The following SYNPR variants were observed in gnomAD, a reference collection of about 807,000 sequenced individuals.
The protein encoded by SYNPR is synaptoporin.
SYNPR carries 23 observed loss-of-function variants against 32.9 expected under a neutral mutation model. The observed-to-expected ratio is 0.70, with a 90% CI of 0.50 to 0.99. The LOEUF is 0.99. SYNPR is among the 50% of genes least tolerant of loss of function. SYNPR has a pLI of 0.00. For missense variants in SYNPR, 318 were observed against 349.3 expected, an observed-to-expected ratio of 0.91 and a Z score of 0.71; for synonymous variants, 146 against 135.9, an observed-to-expected ratio of 1.07 and a Z score of -0.52.
chr3:63,324,942 T>G (rs1038349458), intron 2 of SYNPR, among the ~76,000 whole-genome samples: 2 of 151,896 alleles, frequency 1.3e-5, no homozygotes, highest in African/African-American at 4.8e-5. Context: ...TATCAGAAAA[T>G]TTTCTTTGAG....
At chr3:63,509,299 T>TAC (rs1240793421) in intron 3 of SYNPR, among the ~76,000 whole-genome samples, 2 of 150,214 alleles carry the variant, frequency 1.3e-5, no homozygotes, top group Admixed American at 1.3e-4. Context: ...TATATATATA[T>TAC]ACACACACAT....
chr3:63,497,810 G>C (rs572107787), intron 3 of SYNPR, among the ~76,000 whole-genome samples: 1 of 152,142 alleles, frequency 6.6e-6, no homozygotes, highest in Non-Finnish European at 1.5e-5. Flanking sequence ...TGTTGTGCAA[G>C]ACTAAATGAA....
At chr3:63,399,652 T>G (rs956151592) in intron 2 of SYNPR, among the ~76,000 whole-genome samples, 5 of 152,114 alleles carry the variant, frequency 3.3e-5, no homozygotes, top group African/African-American at 1.2e-4. Context: ...TATATGAATC[T>G]GGGGGGATAC....
At chr3:63,359,157 G>A (rs1030662660) in intron 2 of SYNPR, among the ~76,000 whole-genome samples, 1 of 152,152 alleles carries the variant, frequency 6.6e-6, no homozygotes, top group Admixed American at 6.5e-5. Context: ...GCATGGGAGT[G>A]AGCAAGAGAA....
At position 63,450,423 on chromosome 3, in the gene SYNPR, C is replaced by A. The variant is rs147091483; in HGVS notation, c.85-30409C>A. On this transcript the variant is annotated intron_variant, in intron 2 of 5. Transcript: ENST00000478300. ...CAAGAGATGAGTTGAATTGCCCAAG[C>A]TCTATGGTGAATTTGGTACAAAAGG... Among the ~76,000 whole-genome samples, 655 of 152,268 alleles carry A rather than the reference C, an allele frequency of 4.3e-3. 5 individuals carry two copies. Among genetic ancestry groups the A allele is most frequent in the African/African-American group, 0.014 (601 of 41,546 alleles).
At chr3:63,375,258 A>C (rs2087872549) in intron 2 of SYNPR, among the ~76,000 whole-genome samples, 1 of 152,202 alleles carries the variant, frequency 6.6e-6, no homozygotes, top group Non-Finnish European at 1.5e-5. Flanking sequence ...GCTACTATAA[A>C]GACACATGCA....
chr3:63,580,718 C>A (rs539480511), intron 4 of SYNPR, among the ~76,000 whole-genome samples: 2 of 152,256 alleles, frequency 1.3e-5, no homozygotes, highest in African/African-American at 4.8e-5. Flanking sequence ...TCACTTCTGT[C>A]ACTCGTGATC....
At chr3:63,292,819 T>A (rs2086753718) in intron 2 of SYNPR, among the ~76,000 whole-genome samples, 1 of 152,228 alleles carries the variant, frequency 6.6e-6, no homozygotes, top group African/African-American at 2.4e-5. Context: ...ACATATGTTC[T>A]TTGTACTAAA....
intron 3 of SYNPR, among the ~76,000 whole-genome samples, chr3:63,512,841 T>C (rs1701722947): frequency 6.6e-6 from 1 of 152,160 alleles, no homozygotes; most frequent in Non-Finnish European, 1.5e-5. Context: ...TGTGCTAATT[T>C]GTTCAAGCAG....
At chr3:63,387,441 T>C (rs769482803) in intron 2 of SYNPR, among the ~76,000 whole-genome samples, 1 of 152,214 alleles carries the variant, frequency 6.6e-6, no homozygotes, top group African/African-American at 2.4e-5. Flanking sequence ...CTAGTTTCTG[T>C]AGCCCCTACC....
intron 4 of SYNPR, among the ~76,000 whole-genome samples, chr3:63,584,186 C>G (rs1292712255): frequency 1.3e-5 from 2 of 152,036 alleles, no homozygotes; most frequent in African/African-American, 2.4e-5. Flanking sequence ...AGGAGAGCAG[C>G]CTTAAGGAGG....
rs766541059 is a variant in SYNPR at position 63,421,000 on chromosome 3, C to T, written c.85-59832C>T. 2.6e-5 allele frequency among the ~76,000 whole-genome samples: 4 copies of T among 152,152 alleles called. No homozygotes were observed. The East Asian group carries it at 7.7e-4, about 29-fold the overall frequency. On this transcript the variant is annotated intron_variant, in intron 2 of 5. Coordinates refer to ENST00000478300, the MANE Select transcript of SYNPR (RefSeq NM_001130003.2). ...GGCTCAAGCAATCTTTCCACCTCAG[C>T]CTTCCAACTAGCTGTAACTACAGGC...
intron 3 of SYNPR, among the ~76,000 whole-genome samples, chr3:63,488,258 G>A (rs1470819763): frequency 2.0e-5 from 3 of 152,128 alleles, no homozygotes; most frequent in Non-Finnish European, 1.5e-5. Context: ...TTCATTTATT[G>A]TTTCTCATTA....
At chr3:63,396,453 A>G (rs1282675713) in intron 2 of SYNPR, among the ~76,000 whole-genome samples, 1 of 152,226 alleles carries the variant, frequency 6.6e-6, no homozygotes, top group African/African-American at 2.4e-5. Context: ...TTCCCAAGAC[A>G]TCCTAAATCA....
intron 3 of SYNPR, among the ~76,000 whole-genome samples, chr3:63,492,516 C>A (rs1320051851): frequency 6.6e-6 from 1 of 152,172 alleles, no homozygotes; most frequent in Admixed American, 6.6e-5. Flanking sequence ...GTAGGGCTTG[C>A]TCTGAAGCTT....
chr3:63,389,052 GAGT>G (rs2088095901), intron 2 of SYNPR, among the ~76,000 whole-genome samples: 1 of 152,174 alleles, frequency 6.6e-6, no homozygotes, highest in African/African-American at 2.4e-5. Flanking sequence ...TGATCAGCAA[GAGT>G]AAAAGTAGTG....
At chr3:63,565,457 C>T (rs12635857) in intron 4 of SYNPR, among the ~76,000 whole-genome samples, 67,007 of 151,978 alleles carry the variant, frequency 0.44, 15,616 homozygotes, top group African/African-American at 0.59. Context: ...TGGAATACTG[C>T]GTCCTCACGT....
chr3:63,612,883 C>T (rs1198753966), intron 5 of SYNPR, among the ~76,000 whole-genome samples: 2 of 144,958 alleles, frequency 1.4e-5, no homozygotes, highest in African/African-American at 5.1e-5. Flanking sequence ...CCCTCCCCCA[C>T]CCTCCCCTCC....
intron 2 of SYNPR, among the ~76,000 whole-genome samples, chr3:63,377,201 G>A (rs1425108531): frequency 1.3e-5 from 2 of 152,080 alleles, no homozygotes; most frequent in African/African-American, 4.8e-5. Context: ...GAGCACATAA[G>A]AAATAAATCT....
Sources: gnomAD v4.1 joint callset for allele counts (sites outside exome capture counted in the v4.1 genomes callset) on GRCh38, gnomAD v4.1.1 for gene constraint, MANE v1.5 for transcripts, NCBI Gene and HGNC (gene_info 2026-07-23, HGNC 2026-07-21) for gene names.